EIF4G3: variants seen among roughly 807,000 people sequenced by gnomAD.
The protein encoded by EIF4G3 is eIF-4-gamma 3.
EIF4G3 carries 34 observed loss-of-function variants against 186.4 expected under a neutral mutation model. That is an observed-to-expected ratio of 0.18 (90% CI 0.14 to 0.24). EIF4G3 has a LOEUF of 0.24. Among genes scored for constraint, EIF4G3 ranks in the 10% least tolerant of loss-of-function variants. The probability of loss-of-function intolerance (pLI) is 1.00; values close to 1 mark genes in which losing one functional copy is unlikely to be tolerated. For missense variants in EIF4G3, 1,536 were observed against 1,948.5 expected (o/e 0.79, Z 3.99); for synonymous variants, 673 against 679.5 (o/e 0.99, Z 0.15).
intron 19 of EIF4G3, among the ~76,000 whole-genome samples, chr1:20,883,102 G>A (rs868181557): frequency 9.2e-5 from 14 of 151,498 alleles, no homozygotes; most frequent in African/African-American, 3.4e-4. Context: ...AAAACATTTC[G>A]CTATAACTAA....
intron 3 of EIF4G3, among the ~76,000 whole-genome samples, chr1:21,053,303 G>A (rs1231689056): frequency 2.9e-4 from 44 of 151,324 alleles, no homozygotes; most frequent in Middle Eastern, 3.4e-3. Context: ...CCCTCCGCCC[G>A]GCAGCCACTC....
chr1:21,008,527 T>C (rs2085997206), intron 4 of EIF4G3, among the ~76,000 whole-genome samples: 1 of 152,058 alleles, frequency 6.6e-6, no homozygotes, highest in African/African-American at 2.4e-5. Context: ...TTAGTACAGA[T>C]GGGGTTTCAT....
intron 12 of EIF4G3, among the ~76,000 whole-genome samples, chr1:20,961,127 G>A (rs1304949807): frequency 6.6e-6 from 1 of 152,198 alleles, no homozygotes; most frequent in Non-Finnish European, 1.5e-5. Flanking sequence ...GCTCACGCCT[G>A]TAATCCCAGC....
At chr1:20,942,695 TA>T (rs1421803103) in intron 13 of EIF4G3, among the ~76,000 whole-genome samples, 1 of 152,130 alleles carries the variant, frequency 6.6e-6, no homozygotes, top group African/African-American at 2.4e-5. Flanking sequence ...TCTCGTTCCC[TA>T]AAAAACTTTT....
intron 14 of EIF4G3, among the ~76,000 whole-genome samples, chr1:20,922,651 A>T (rs2094565664): frequency 6.6e-6 from 1 of 152,190 alleles, no homozygotes; most frequent in Non-Finnish European, 1.5e-5. Context: ...ATACACAGCA[A>T]AGTTAGAAAT....
At chr1:20,823,222 A>G (rs181269188) in intron 33 of EIF4G3, among the ~76,000 whole-genome samples, 45 of 152,160 alleles carry the variant, frequency 3.0e-4, no homozygotes, top group Admixed American at 2.6e-3. Context: ...CTGTCTCTTC[A>G]AATATTGCCT....
chr1:21,070,798 T>C (rs944564407), intron 3 of EIF4G3, among the ~76,000 whole-genome samples: 1 of 152,204 alleles, frequency 6.6e-6, no homozygotes, highest in African/African-American at 2.4e-5. Flanking sequence ...ATAAACATTC[T>C]TGACAGCACA....
chr1:20,952,673 A>AC (rs1263351288), intron 12 of EIF4G3, among the ~76,000 whole-genome samples: 3 of 150,538 alleles, frequency 2.0e-5, no homozygotes, highest in African/African-American at 4.9e-5. Flanking sequence ...ACATGATGAA[A>AC]CCCCGTCTCT....
chr1:20,968,514 T>G (rs1344520997), intron 12 of EIF4G3, among the ~76,000 whole-genome samples: 1 of 152,142 alleles, frequency 6.6e-6, no homozygotes, highest in Admixed American at 6.5e-5. Flanking sequence ...TTGCGGAATC[T>G]AATCTCTATT....
Position 20,829,206 on chromosome 1 carries a change from A to C in EIF4G3, c.4128T>G (p.Leu1376=). Residue 1376 remains leucine, a synonymous_variant, in exon 31 of 37, where the codon CTT becomes CTG. Coordinates refer to ENST00000602326, the MANE Select transcript of EIF4G3 (RefSeq NM_001391906.1). ...AIDIPHIWLY[L]AELVTPMLKE... is the part of the protein sequence containing the mutation. ...TTAACATGGGGGTCACCAGTTCAGC[A>C]AGGTACAACCAAATATGGGGAATAT... The C allele has an allele frequency of 2.5e-6, 4 of 1,614,084 alleles. No homozygotes were observed. The highest frequency in any genetic ancestry group is 3.4e-6 in the Non-Finnish European group (4 of 1,179,960).
intron 15 of EIF4G3, among the ~76,000 whole-genome samples, chr1:20,900,512 T>TAA (rs5772923): frequency 8.1e-6 from 1 of 122,926 alleles, no homozygotes; most frequent in Non-Finnish European, 1.7e-5. Flanking sequence ...ATCTTGTATA[T>TAA]AAAAAAAAAA....
At chr1:20,966,298 A>G (rs1042072168) in intron 12 of EIF4G3, among the ~76,000 whole-genome samples, 1 of 152,202 alleles carries the variant, frequency 6.6e-6, no homozygotes, top group Non-Finnish European at 1.5e-5. Flanking sequence ...ATGATTCTGT[A>G]TTTATCTGGA....
intron 14 of EIF4G3, among the ~76,000 whole-genome samples, chr1:20,920,494 A>ATAGAATATATTAGGCTTGTTCTCTGC (rs1553296607): frequency 2.6e-5 from 4 of 152,178 alleles, no homozygotes; most frequent in Non-Finnish European, 5.9e-5. Context: ...GAATAGAATA[A>ATAGAATATATTAGGCTTGTTCTCTGC]TAGAATATAT....
At chr1:21,099,927 A>G (rs909838598) in intron 2 of EIF4G3, among the ~76,000 whole-genome samples, 1 of 152,236 alleles carries the variant, frequency 6.6e-6, no homozygotes, top group Non-Finnish European at 1.5e-5. Context: ...ACAAATGTTC[A>G]CATCAGCATT....
intron 29 of EIF4G3, among the ~76,000 whole-genome samples, chr1:20,848,100 G>T (rs1159881218): frequency 6.6e-6 from 1 of 152,060 alleles, no homozygotes; most frequent in Non-Finnish European, 1.5e-5. Context: ...CTGAGTAGCT[G>T]GGACTACAGA....
chr1:21,168,173 G>A (rs771518134), intron 2 of EIF4G3: 55 of 383,460 alleles, frequency 1.4e-4, no homozygotes, highest in Non-Finnish European at 2.3e-4. Context: ...GGAGGCTGAG[G>A]TGGGCAGATC....
intron 27 of EIF4G3, among the ~76,000 whole-genome samples, chr1:20,852,511 T>C (rs1001182993): frequency 1.2e-4 from 18 of 152,206 alleles, no homozygotes; most frequent in African/African-American, 4.1e-4. Flanking sequence ...TGTCTTGGAT[T>C]AGCCAACGCT....
chr1:21,159,431 TAAA>T (rs71014164), intron 2 of EIF4G3, among the ~76,000 whole-genome samples: 2 of 122,496 alleles, frequency 1.6e-5, no homozygotes. Flanking sequence ...AGCAAGGGTT[TAAA>T]AAAAAAAAAA....
chr1:21,170,428 T>C (rs1041541813), intron 2 of EIF4G3, among the ~76,000 whole-genome samples: 1 of 151,970 alleles, frequency 6.6e-6, no homozygotes, highest in Non-Finnish European at 1.5e-5. Flanking sequence ...CCCAGCACTT[T>C]GGGAGGCTGA....
Sources: gnomAD v4.1 joint callset for allele counts (sites outside exome capture counted in the v4.1 genomes callset) on GRCh38, gnomAD v4.1.1 for gene constraint, MANE v1.5 for transcripts, NCBI Gene and HGNC (gene_info 2026-07-23, HGNC 2026-07-21) for gene names.